The following S1PR3 variants were observed in gnomAD, a reference collection of about 807,000 sequenced individuals.
S1PR3 encodes the protein sphingosine 1-phosphate receptor 3.
In S1PR3, 12 loss-of-function variants were observed where a neutral mutation model predicts 13.3. That is an observed-to-expected ratio of 0.90 (90% confidence interval 0.58 to 1.46). The LOEUF is 1.46. Ranked by LOEUF, S1PR3 falls within the 40% of genes most tolerant of loss-of-function variation. The probability of loss-of-function intolerance (pLI) is 0.00; values close to 1 mark genes in which losing one functional copy is unlikely to be tolerated. For synonymous variants in S1PR3, 232 were observed against 214.0 expected (o/e 1.08, Z -0.73); for missense variants, 450 against 501.9 (o/e 0.90, Z 0.99).
chr9:89,002,402 G>A lies in S1PR3; in HGVS notation c.*65G>A. On this transcript the variant is annotated 3_prime_UTR_variant, in exon 2 of 2. Coordinates refer to ENST00000358157, the MANE Select transcript of S1PR3 (RefSeq NM_005226.4). ...TATTGCATGCGTCGCTTCCACAGGG[G>A]CCCCTCAAGAGCTGTGACTCGGGAG... 1.2e-5 allele frequency: 19 copies of A among 1,542,146 alleles called. No individual in the cohort carries two copies. Among genetic ancestry groups the A allele is most frequent in the Non-Finnish European group, 1.7e-5 (19 of 1,139,194 alleles).
chr9:88,995,669 T>TAGAACTCAGGTAAGTTC (rs1401086421), intron 1 of S1PR3: 2 of 167,020 alleles, frequency 1.2e-5, no homozygotes, highest in Non-Finnish European at 2.9e-5. Flanking sequence ...CTTTATTGAG[T>TAGAACTCAGGTAAGTTC]AGAACTCAGG....
Position 89,001,152 on chromosome 9 carries a change from G to C in S1PR3, c.-49G>C, listed in dbSNP as rs796259685. 5 of 1,589,342 alleles carry C rather than the reference G, an allele frequency of 3.1e-6. No homozygotes were observed. The African/African-American group carries it at 6.7e-5, about 21-fold the overall frequency. On this transcript the variant is annotated 5_prime_UTR_variant, in exon 2 of 2. Transcript: ENST00000358157. ...CTTCCCTTTGAAATGAATGTTCCTG[G>C]GGCGCCCTCTCGTGGATTTTGGAGC...
rs780037195 is a variant in S1PR3 at position 89,001,333 on chromosome 9, CTCT to C, written c.138_140del (p.Phe46del). ...CGAGGGCAGCACGCTCACCACCGTGCTCTTCTTGGTCATCTGCAGCTTCATCGT... is the reference window on the plus strand; with the variant it reads ...CGAGGGCAGCACGCTCACCACCGTGCTCTTGGTCATCTGCAGCTTCATCGT... On this transcript the variant is annotated inframe_deletion, in exon 2 of 2. Transcript: ENST00000358157. 3 of 1,614,222 alleles carry C rather than the reference CTCT, an allele frequency of 1.9e-6. No homozygotes were observed. The Admixed American group carries it at 5.0e-5, about 27-fold the overall frequency.
intron 1 of S1PR3, chr9:88,992,498 T>C (rs1023859115): frequency 1.9e-5 from 3 of 155,924 alleles, no homozygotes; most frequent in African/African-American, 7.2e-5. Flanking sequence ...CCCCCATTCA[T>C]GGTACCCACT....
chr9:88,993,015 C>T (rs1250599659), intron 1 of S1PR3: 1 of 152,604 alleles, frequency 6.6e-6, no homozygotes, highest in Non-Finnish European at 1.5e-5. Flanking sequence ...TTAAGAGCCT[C>T]CCCCTAAGAT....
At position 89,001,478 on chromosome 9, in the gene S1PR3, A is replaced by C. The variant is rs1368228232; in HGVS notation, c.278A>C (p.Lys93Thr). ...GACCTGCTGGCCGGCATCGCTTACA[A>C]GGTCAACATTCTGATGTCTGGCAAG... The part of the protein sequence containing the change: ...LCDLLAGIAY[K>T]VNILMSGKKT... Residue 93 changes from lysine to threonine, a missense_variant, in exon 2 of 2, where the codon AAG becomes ACG. Transcript: ENST00000358157. 6.2e-7 allele frequency: 1 copy of C among 1,614,100 alleles called. No individual in the cohort carries two copies. Among genetic ancestry groups the C allele is most frequent in the Non-Finnish European group, 8.5e-7 (1 of 1,180,052 alleles).
At position 89,002,453 on chromosome 9, in the gene S1PR3, T is replaced by A; in HGVS notation, c.*116T>A. 8.0e-7 allele frequency: 1 copy of A among 1,253,308 alleles called. No homozygotes were observed. Among genetic ancestry groups the A allele is most frequent in the Non-Finnish European group, 1.1e-6 (1 of 901,932 alleles). 77.6% of individuals were successfully genotyped at this position (1,253,308 alleles called of 1,614,324 possible). On this transcript the variant is annotated 3_prime_UTR_variant, in exon 2 of 2. Coordinates refer to ENST00000358157, the MANE Select transcript of S1PR3 (RefSeq NM_005226.4). ...AGCTACCTTACTTTGACCAACAGCC[T>A]GCCCAGTGTGGATGTCTCTTACAGA...
Position 89,001,326 on chromosome 9 carries a change from C to T in S1PR3, c.126C>T (p.Thr42=), listed in dbSNP as rs200972819. The T allele has an allele frequency of 2.8e-5, 46 of 1,614,210 alleles. No homozygotes were observed. The highest frequency in any genetic ancestry group is 2.0e-4 in the Admixed American group (12 of 60,026). ...LKEASEGSTL[T]TVLFLVICSF... is the part of the protein sequence containing the mutation. ...AGGCCTCCGAGGGCAGCACGCTCACCACCGTGCTCTTCTTGGTCATCTGCA... is the reference window on the plus strand; with the variant it reads ...AGGCCTCCGAGGGCAGCACGCTCACTACCGTGCTCTTCTTGGTCATCTGCA... Residue 42 remains threonine, a synonymous_variant, in exon 2 of 2, where the codon ACC becomes ACT. Transcript: ENST00000358157.
rs556908153 is a variant in S1PR3 at position 89,001,901 on chromosome 9, A to G, written c.701A>G (p.Asn234Ser). ...AGCCGTAAGGTGGCCAACCACAACA[A>G]CTCGGAGCGGTCCATGGCACTGCTG... ...SSSRKVANHN[N>S]SERSMALLRT... Residue 234 changes from asparagine to serine, a missense_variant, in exon 2 of 2, where the codon AAC (asparagine) becomes AGC (serine). Transcript: ENST00000358157. 5 of 1,613,946 alleles carry G rather than the reference A, an allele frequency of 3.1e-6. No individual in the cohort carries two copies. In the African/African-American group the frequency reaches 6.7e-5, roughly 22 times the overall value.
chr9:88,991,536 G>C lies in S1PR3; in HGVS notation c.-307G>C. ...AGGGACCAGAAGGCGGCTGCAGGAC[G>C]CGACCGAGCAGGACCCCAGGCCCGG... On this transcript the variant is annotated 5_prime_UTR_variant, in exon 1 of 2. Transcript: ENST00000358157. The surrounding 1 kb of genome is among the most constrained non-coding windows in gnomAD (Gnocchi z 4.0). 3 of 1,547,498 alleles carry C rather than the reference G, an allele frequency of 1.9e-6. No individual in the cohort carries two copies. The highest frequency in any genetic ancestry group is 1.7e-6 in the Non-Finnish European group (2 of 1,145,908).
chr9:88,992,035 G>A (rs1256167707), intron 1 of S1PR3: 1 of 1,612,588 alleles, frequency 6.2e-7, no homozygotes, highest in Non-Finnish European at 8.5e-7. Flanking sequence ...CTGGACGTGG[G>A]AGAGGGTTGT....
At chr9:88,995,680 T>G (rs11137481) in intron 1 of S1PR3, 9,833 of 167,142 alleles carry the variant, frequency 0.059, 341 homozygotes, top group African/African-American at 0.1. Flanking sequence ...AGAACTCAGG[T>G]AAGTTCAGAT....
upstream of S1PR3, chr9:88,991,088 C>A: frequency 2.5e-6 from 4 of 1,613,238 alleles, no homozygotes; most frequent in Non-Finnish European, 3.4e-6. The surrounding 1 kb of genome is among the most constrained non-coding windows in gnomAD (Gnocchi z 4.0). Context: ...GACAGGCGCC[C>A]GCCCAAGCCC....
In S1PR3 at chr9:89,001,319, C is replaced by A; in HGVS notation, c.119C>A (p.Thr40Lys). ...CTGAAGGAGGCCTCCGAGGGCAGCA[C>A]GCTCACCACCGTGCTCTTCTTGGTC... ...GRLKEASEGS[T>K]LTTVLFLVIC... is the part of the protein sequence containing the mutation. Residue 40 changes from threonine to lysine, a missense_variant, in exon 2 of 2, where the codon ACG (threonine) becomes AAG (lysine). By Grantham distance (78) the Thr-to-Lys change is moderately conservative (BLOSUM62 -1). Coordinates refer to ENST00000358157, the MANE Select transcript of S1PR3 (RefSeq NM_005226.4). 1.9e-6 allele frequency: 3 copies of A among 1,614,188 alleles called. No individual in the cohort carries two copies. The highest frequency in any genetic ancestry group is 2.5e-6 in the Non-Finnish European group (3 of 1,180,040).
At position 89,001,231 on chromosome 9, in the gene S1PR3, C is replaced by T; in HGVS notation, c.31C>T (p.Pro11Ser). 3 of 1,613,366 alleles carry T rather than the reference C, an allele frequency of 1.9e-6. No individual in the cohort carries two copies. In the South Asian group the frequency reaches 3.3e-5, roughly 18 times the overall value. ...AACTGCCCTCCCGCCGCGTCTCCAGCCGGTGCGGGGGAACGAGACCCTGCG... is the reference window on the plus strand; with the variant it reads ...AACTGCCCTCCCGCCGCGTCTCCAGTCGGTGCGGGGGAACGAGACCCTGCG... MATALPPRLQ[P>S]VRGNETLREH... The change falls in exon 2 of 2, where the codon CCG (proline) becomes TCG (serine). Residue 11 changes from proline to serine, a missense_variant. Transcript: ENST00000358157.
In S1PR3 at chr9:88,994,471, T is replaced by C. The variant is rs575332064; in HGVS notation, c.-148+2776T>C. 118 of 167,140 alleles carry C rather than the reference T, an allele frequency of 7.1e-4. 1 individual carries two copies. The Middle Eastern group carries it at 0.024, about 33-fold the overall frequency. The allele number at this position is 167,140 out of a possible 1,614,324, so 10.4% of individuals were successfully genotyped here. A position where few individuals can be genotyped will look rare whatever the true frequency, so the allele number is the denominator to read the frequency against. ...CTATTTCCACATCCCTGTGGATTCATCCCTGTGGAAATCTTGAGAATCATT... is the reference window on the plus strand; with the variant it reads ...CTATTTCCACATCCCTGTGGATTCACCCCTGTGGAAATCTTGAGAATCATT... On this transcript the variant is annotated intron_variant, in intron 1 of 1. Transcript: ENST00000358157.
Position 89,001,710 on chromosome 9 carries a change from C to T in S1PR3, c.510C>T (p.Ala170=). 1 of 1,614,228 alleles carries T rather than the reference C, an allele frequency of 6.2e-7. No individual in the cohort carries two copies. The highest frequency in any genetic ancestry group is 8.5e-7 in the Non-Finnish European group (1 of 1,180,054). The part of the protein sequence containing the change: ...MCWLIAFTLG[A]LPILGWNCLH... ...GGCTCATTGCCTTCACGCTGGGCGC[C>T]CTGCCCATTCTGGGCTGGAACTGCC... is the stretch of plus-strand genomic sequence containing the variant. The change falls in exon 2 of 2, where the codon GCC becomes GCT. Residue 170 remains alanine (A), a synonymous_variant. Transcript: ENST00000358157.
chr9:88,996,610 T>C (rs1320126984), intron 1 of S1PR3: 1 of 152,422 alleles, frequency 6.6e-6, no homozygotes, highest in East Asian at 1.9e-4. Flanking sequence ...CTATCCCAGG[T>C]AGTGGTCATG....
Position 89,001,874 on chromosome 9 carries a change from G to T in S1PR3, c.674G>T (p.Ser225Ile), listed in dbSNP as rs773291242. 3.1e-6 allele frequency: 5 copies of T among 1,613,712 alleles called. No individual in the cohort carries two copies. The South Asian group carries it at 5.5e-5, about 18-fold the overall frequency. Residue 225 changes from serine to isoleucine, a missense_variant, in exon 2 of 2, where the codon AGC becomes ATC. Transcript: ENST00000358157. ...CGCATCTACTTCCTGGTGAAGTCCA[G>T]CAGCCGTAAGGTGGCCAACCACAAC... is the stretch of plus-strand genomic sequence containing the variant. ...YARIYFLVKS[S>I]SRKVANHNNS...
Sources: allele counts gnomAD v4.1 joint callset, GRCh38; gene constraint gnomAD v4.1.1; non-coding constraint Gnocchi (gnomAD v3.1); transcripts MANE v1.5; gene names NCBI Gene and HGNC (gene_info 2026-07-23, HGNC 2026-07-21).